Variants in ASXL2 observed in about 807,000 individuals in gnomAD.
ASXL2 encodes ASXL transcriptional regulator 2.
ASXL2 carries 23 observed loss-of-function variants against 122.0 expected under a neutral mutation model. The observed-to-expected ratio is 0.19, with a 90% CI of 0.14 to 0.27. ASXL2 has a LOEUF of 0.27. Among genes scored for constraint, ASXL2 ranks in the 10% least tolerant of loss-of-function variants. ASXL2 has a pLI of 1.00. For missense variants in ASXL2, 1,518 were observed against 1,713.8 expected (o/e 0.89, Z 2.02); for synonymous variants, 650 against 637.0 (o/e 1.02, Z -0.31).
At position 25,806,212 on chromosome 2, in the gene ASXL2, C is replaced by T. The variant is rs1398023812; in HGVS notation, c.252+17G>A. 1 of 1,531,722 alleles carries T rather than the reference C, an allele frequency of 6.5e-7. No homozygotes were observed. The highest frequency in any genetic ancestry group is 9.0e-7 in the Non-Finnish European group (1 of 1,111,836). 94.9% of individuals were successfully genotyped at this position (1,531,722 alleles called of 1,614,324 possible). Reference sequence around the variant, plus strand: ...CCTGTTTTTTCTTTCTAAATGACTCCCCAACAAAATATTTACCTTCAAAGT... The same window carrying T: ...CCTGTTTTTTCTTTCTAAATGACTCTCCAACAAAATATTTACCTTCAAAGT... On this transcript the variant is annotated intron_variant, in intron 4 of 12. Coordinates refer to ENST00000435504, the MANE Select transcript of ASXL2 (RefSeq NM_018263.6).
intron 6 of ASXL2, among the ~76,000 whole-genome samples, chr2:25,770,349 CAGG>C (rs1281749044): frequency 6.6e-6 from 1 of 152,168 alleles, no homozygotes; most frequent in African/African-American, 2.4e-5. Context: ...GCTGGGATTA[CAGG>C]AGGTCTCTGA....
At chr2:25,823,227 G>A (rs2089333119) in intron 3 of ASXL2, among the ~76,000 whole-genome samples, 1 of 152,196 alleles carries the variant, frequency 6.6e-6, no homozygotes, top group African/African-American at 2.4e-5. Context: ...GGCAATTGAT[G>A]CAGCAGTTGT....
chr2:25,865,976 C>T (rs2089899605), intron 1 of ASXL2, among the ~76,000 whole-genome samples: 1 of 151,982 alleles, frequency 6.6e-6, no homozygotes, highest in South Asian at 2.1e-4. Flanking sequence ...TCCATTAATG[C>T]ACCATGATGA....
intron 2 of ASXL2, among the ~76,000 whole-genome samples, chr2:25,843,167 T>C (rs1483512444): frequency 6.6e-6 from 1 of 151,776 alleles, no homozygotes; most frequent in Non-Finnish European, 1.5e-5. Flanking sequence ...CCAGGCATGG[T>C]GGCAGGTGCC....
At chr2:25,818,706 T>A (rs983282349) in intron 3 of ASXL2, among the ~76,000 whole-genome samples, 12 of 151,742 alleles carry the variant, frequency 7.9e-5, no homozygotes, top group East Asian at 3.9e-4. Context: ...CAACAAAAAA[T>A]ATATATATAT....
At chr2:25,829,688 C>G (rs1265384555) in intron 3 of ASXL2, among the ~76,000 whole-genome samples, 1 of 152,130 alleles carries the variant, frequency 6.6e-6, no homozygotes, top group East Asian at 1.9e-4. Flanking sequence ...AGAGAAGTAA[C>G]TTAGTTATGG....
intron 3 of ASXL2, among the ~76,000 whole-genome samples, chr2:25,828,370 G>T (rs1366156840): frequency 6.6e-6 from 1 of 151,918 alleles, no homozygotes; most frequent in African/African-American, 2.4e-5. Context: ...GCCAGGCATG[G>T]TGGCGCATGC....
In ASXL2 at chr2:25,768,983, T is replaced by G; in HGVS notation, c.505-115A>C. ...TGCTGATCGTTCAATTTCTTTGAAA[T>G]CTATCAAAGCAAACAAAAACCTAAA... On this transcript the variant is annotated intron_variant, in intron 6 of 12. Coordinates refer to ENST00000435504, the MANE Select transcript of ASXL2 (RefSeq NM_018263.6). The G allele has an allele frequency of 2.4e-6, 3 of 1,267,640 alleles. No homozygotes were observed. In the South Asian group the frequency reaches 5.1e-5, roughly 21 times the overall value. The allele number at this position is 1,267,640 out of a possible 1,614,324, so 78.5% of individuals were successfully genotyped here.
intron 3 of ASXL2, among the ~76,000 whole-genome samples, chr2:25,820,463 G>T (rs2089295422): frequency 6.6e-6 from 1 of 152,134 alleles, no homozygotes; most frequent in South Asian, 2.1e-4. Context: ...CCAATGAAAA[G>T]AAAGAAGTAC....
At chr2:25,774,114 G>C (rs2088506841) in intron 5 of ASXL2, among the ~76,000 whole-genome samples, 1 of 151,940 alleles carries the variant, frequency 6.6e-6, no homozygotes. Context: ...CTTGAGGGTG[G>C]AGGTGGAAGG....
At chr2:25,776,605 T>C (rs575245592) in intron 5 of ASXL2, among the ~76,000 whole-genome samples, 1 of 152,374 alleles carries the variant, frequency 6.6e-6, no homozygotes, top group African/African-American at 2.4e-5. Context: ...GCACTATTTT[T>C]ACAATTCCAC....
chr2:25,810,642 G>T, intron 3 of ASXL2: 1 of 786,972 alleles, frequency 1.3e-6, no homozygotes. Context: ...CCTCAATAGT[G>T]GTGATCCCAG....
chr2:25,863,849 T>C (rs1221579695), intron 1 of ASXL2, among the ~76,000 whole-genome samples: 3 of 150,254 alleles, frequency 2.0e-5, no homozygotes, highest in African/African-American at 4.9e-5. Flanking sequence ...CTACTAAAAG[T>C]ACAAAAATTA....
At chr2:25,814,650 A>G (rs1004418915) in intron 3 of ASXL2, among the ~76,000 whole-genome samples, 6 of 152,334 alleles carry the variant, frequency 3.9e-5, no homozygotes, top group African/African-American at 1.4e-4. Context: ...AAACATACTA[A>G]TATGTTTTGT....
Position 25,738,806 on chromosome 2 carries a change from A to T in ASXL2, c.*3223T>A, listed in dbSNP as rs1002176394. On this transcript the variant is annotated 3_prime_UTR_variant, in exon 13 of 13. Transcript: ENST00000435504. ...TAAGCTCTAAAACATGTACATCCGT[A>T]TGCCTTCACAGCCCAATAAGTATGC... The T allele has an allele frequency of 6.6e-6, 1 of 152,172 alleles. No homozygotes were observed. Among genetic ancestry groups the T allele is most frequent in the Non-Finnish European group, 1.5e-5 (1 of 68,022 alleles). The allele number at this position is 152,172 out of a possible 1,614,324, so 9.4% of individuals were successfully genotyped here. A position where few individuals can be genotyped will look rare whatever the true frequency, so the allele number is the denominator to read the frequency against.
At position 25,763,489 on chromosome 2, in the gene ASXL2, T is replaced by TA. The variant is rs111512688; in HGVS notation, c.776-3845dup. ...TGGGTGACAGATCAAGACTCCATGT[T>TA]AAAAAAAAAAAAAGCTGATTTCAGA... On this transcript the variant is annotated intron_variant, in intron 8 of 12. Transcript: ENST00000435504. Among the ~76,000 whole-genome samples, 1,025 of 138,596 alleles carry TA rather than the reference T, an allele frequency of 7.4e-3. 5 individuals carry two copies. Among genetic ancestry groups the TA allele is most frequent in the African/African-American group, 0.015 (575 of 37,612 alleles). The allele number at this position is 138,596 out of a possible 152,430, so 90.9% of individuals were successfully genotyped here. A position where few individuals can be genotyped will look rare whatever the true frequency, so the allele number is the denominator to read the frequency against.
intron 12 of ASXL2, among the ~76,000 whole-genome samples, chr2:25,745,356 G>A (rs943187197): frequency 6.6e-6 from 1 of 151,488 alleles, no homozygotes. Flanking sequence ...GGGATTACAG[G>A]TGTGGGTCAC....
chr2:25,744,033 G>T lies in ASXL2; in HGVS notation c.2304C>A (p.Val768=). The T allele has an allele frequency of 6.2e-7, 1 of 1,614,028 alleles. No individual in the cohort carries two copies. The highest frequency in any genetic ancestry group is 1.1e-5 in the South Asian group (1 of 91,080). Residue 768 remains valine (V), a synonymous_variant, in exon 13 of 13, where the codon GTC becomes GTA. Coordinates refer to ENST00000435504, the MANE Select transcript of ASXL2 (RefSeq NM_018263.6). This position sits in a 1 kb window ranked among gnomAD's most constrained non-coding sequence, Gnocchi z 4.7. The part of the protein sequence containing the change: ...TTPSQAQPHS[V]SGAQLQQTPP... ...GGGTTTGCTGTAGTTGTGCTCCAGA[G>T]ACACTATGAGGCTGTGCCTGGCTTG...
intron 5 of ASXL2, among the ~76,000 whole-genome samples, chr2:25,790,770 CAAAA>C (rs1300742637): frequency 7.1e-6 from 1 of 140,682 alleles, no homozygotes; most frequent in African/African-American, 2.6e-5. Context: ...ATGAAACAAA[CAAAA>C]AAAGAGTCAA....
Sources: allele counts gnomAD v4.1 joint callset (sites outside exome capture counted in the v4.1 genomes callset), GRCh38; gene constraint gnomAD v4.1.1; non-coding constraint Gnocchi (gnomAD v3.1); transcripts MANE v1.5; gene names NCBI Gene and HGNC (gene_info 2026-07-23, HGNC 2026-07-21).